Variants in CDK14 observed in about 807,000 individuals in gnomAD.
The protein encoded by CDK14 is cyclin dependent kinase 14.
In CDK14, 34 loss-of-function variants were observed where a neutral mutation model predicts 60.7. The observed-to-expected ratio is 0.56, with a 90% CI of 0.43 to 0.75. CDK14 has a LOEUF of 0.75. Ranked by LOEUF, CDK14 falls within the 30% of genes least tolerant of loss-of-function variation. The probability of loss-of-function intolerance (pLI) is 0.00; values close to 1 mark genes in which losing one functional copy is unlikely to be tolerated. For synonymous variants in CDK14, 197 were observed against 203.7 expected, an observed-to-expected ratio of 0.97 and a Z score of 0.28; for missense variants, 482 against 564.1, an observed-to-expected ratio of 0.85 and a Z score of 1.47.
intron 4 of CDK14, among the ~76,000 whole-genome samples, chr7:90,767,717 C>G (rs1020762457): frequency 2.6e-5 from 4 of 152,166 alleles, no homozygotes; most frequent in Admixed American, 2.0e-4. Flanking sequence ...CACCTTTCAA[C>G]CCTTTTATTC....
chr7:90,941,418 C>T (rs1793928607), intron 8 of CDK14, among the ~76,000 whole-genome samples: 2 of 152,012 alleles, frequency 1.3e-5, no homozygotes, highest in South Asian at 2.1e-4. Context: ...CATTGGGGCT[C>T]CTCAACATGG....
rs529610234 is a variant in CDK14 at position 90,973,258 on chromosome 7, T to C, written c.948-10890T>C. ...CTTATCACTTTCAATTAGGAAATTA[T>C]GTATAATAAGGGGCAGGTCTCCCCC... is the stretch of plus-strand genomic sequence containing the variant. On this transcript the variant is annotated intron_variant, in intron 9 of 14. Coordinates refer to ENST00000380050, the MANE Select transcript of CDK14 (RefSeq NM_001287135.2). 4.6e-5 allele frequency among the ~76,000 whole-genome samples: 7 copies of C among 152,260 alleles called. No individual in the cohort carries two copies. The South Asian group carries it at 8.3e-4, about 18-fold the overall frequency.
chr7:91,061,619 G>A (rs1797789602), intron 11 of CDK14, among the ~76,000 whole-genome samples: 1 of 152,176 alleles, frequency 6.6e-6, no homozygotes, highest in Non-Finnish European at 1.5e-5. Flanking sequence ...CCTTCTAACA[G>A]TCAGGACCCT....
chr7:91,097,368 C>T (rs776855760), intron 12 of CDK14, among the ~76,000 whole-genome samples: 5 of 150,006 alleles, frequency 3.3e-5, no homozygotes, highest in Admixed American at 6.7e-5. Flanking sequence ...GTGACAAGGG[C>T]GAAACTCTGT....
chr7:90,897,161 GA>G (rs1792363392), intron 6 of CDK14, among the ~76,000 whole-genome samples: 1 of 151,924 alleles, frequency 6.6e-6, no homozygotes, highest in Non-Finnish European at 1.5e-5. Context: ...CATGTTTCTT[GA>G]ATTATGTTAA....
At chr7:91,161,834 A>G (rs1350671356) in intron 14 of CDK14, among the ~76,000 whole-genome samples, 1 of 152,258 alleles carries the variant, frequency 6.6e-6, no homozygotes, top group Non-Finnish European at 1.5e-5. Context: ...CATAGCTAGA[A>G]CATAATAAAT....
chr7:91,043,505 C>CT (rs1392541192), intron 10 of CDK14, among the ~76,000 whole-genome samples: 1 of 152,212 alleles, frequency 6.6e-6, no homozygotes, highest in Non-Finnish European at 1.5e-5. Context: ...TGCCTGCAAA[C>CT]TTAATTGTCT....
At chr7:90,913,953 G>A (rs958933716) in intron 7 of CDK14, among the ~76,000 whole-genome samples, 1 of 152,142 alleles carries the variant, frequency 6.6e-6, no homozygotes, top group Non-Finnish European at 1.5e-5. Flanking sequence ...GCATGTCAAA[G>A]TGCCATTTTG....
In CDK14 at chr7:90,681,740, A is replaced by G. The variant is rs1000439890; in HGVS notation, c.124-44827A>G. On this transcript the variant is annotated intron_variant, in intron 2 of 14. Coordinates refer to ENST00000380050, the MANE Select transcript of CDK14 (RefSeq NM_001287135.2). ...GGAGAGACAACTCTATATAGACTGC[A>G]TAGATTTAGGAGACTTCAGCCCTAG... Among the ~76,000 whole-genome samples, 6 of 152,206 alleles carry G rather than the reference A, an allele frequency of 3.9e-5. No individual in the cohort carries two copies. In the East Asian group the frequency reaches 1.2e-3, roughly 29 times the overall value.
rs6946851 is a variant in CDK14, at chr7:90,744,387, T to C, written c.370-3294T>C. 1.0e-2 allele frequency among the ~76,000 whole-genome samples: 1,519 copies of C among 152,306 alleles called. 23 individuals carry two copies. Among genetic ancestry groups the C allele is most frequent in the African/African-American group, 0.034 (1,395 of 41,552 alleles). ...GAATTTTTCTTAGTACAGAACAAAA[T>C]GAAAAGTCTCCCATGTCTACTTCTC... On this transcript the variant is annotated intron_variant, in intron 3 of 14. Coordinates refer to ENST00000380050, the MANE Select transcript of CDK14 (RefSeq NM_001287135.2).
At chr7:90,983,318 C>T (rs1447630132) in intron 9 of CDK14, among the ~76,000 whole-genome samples, 1 of 152,060 alleles carries the variant, frequency 6.6e-6, no homozygotes, top group Non-Finnish European at 1.5e-5. Flanking sequence ...TGCCCATCAA[C>T]AATGGACTAG....
intron 14 of CDK14, among the ~76,000 whole-genome samples, chr7:91,145,867 T>C (rs891318005): frequency 3.3e-5 from 5 of 152,182 alleles, no homozygotes; most frequent in Non-Finnish European, 7.3e-5. Flanking sequence ...GTCTTTCCTA[T>C]CCTGTGTCCT....
At chr7:90,750,063 T>C (rs1156926443) in intron 4 of CDK14, among the ~76,000 whole-genome samples, 7 of 151,718 alleles carry the variant, frequency 4.6e-5, no homozygotes, top group East Asian at 3.9e-4. Context: ...TAGAAATGCA[T>C]AGGGCTATAG....
intron 2 of CDK14, among the ~76,000 whole-genome samples, chr7:90,702,882 T>G (rs1584803853): frequency 6.6e-6 from 1 of 151,420 alleles, no homozygotes; most frequent in South Asian, 2.1e-4. Context: ...TTTAAGAGGG[T>G]TTTCTTCCTT....
At chr7:90,682,593 T>C (rs1801339293) in intron 2 of CDK14, among the ~76,000 whole-genome samples, 1 of 152,212 alleles carries the variant, frequency 6.6e-6, no homozygotes, top group African/African-American at 2.4e-5. Context: ...TATCTGAAGT[T>C]ATCAACCTCA....
At chr7:90,637,762 G>T (rs1800189895) in intron 2 of CDK14, among the ~76,000 whole-genome samples, 1 of 99,468 alleles carries the variant, frequency 1.0e-5, no homozygotes, top group Non-Finnish European at 2.0e-5. Context: ...ATTATTGTGT[G>T]GGAGTCTAAG....
intron 14 of CDK14, among the ~76,000 whole-genome samples, chr7:91,137,719 T>G (rs1418329605): frequency 3.1e-4 from 46 of 148,144 alleles, no homozygotes; most frequent in Non-Finnish European, 5.9e-4. Context: ...TGTGTGTATG[T>G]GTGTGTGTGT....
chr7:91,190,607 A>G (rs1802330121), intron 14 of CDK14, among the ~76,000 whole-genome samples: 1 of 152,210 alleles, frequency 6.6e-6, no homozygotes, highest in Non-Finnish European at 1.5e-5. Flanking sequence ...GTCATGCCTC[A>G]GCTTCCTGAG....
At chr7:90,757,003 G>C (rs1804089345) in intron 4 of CDK14, among the ~76,000 whole-genome samples, 1 of 152,158 alleles carries the variant, frequency 6.6e-6, no homozygotes, top group African/African-American at 2.4e-5. Flanking sequence ...CAATCTGGGT[G>C]GCTTAAGCTA....
Sources: allele counts gnomAD v4.1 joint callset (sites outside exome capture counted in the v4.1 genomes callset), GRCh38; gene constraint gnomAD v4.1.1; transcripts MANE v1.5; gene names NCBI Gene and HGNC (gene_info 2026-07-23, HGNC 2026-07-21).